SCN11A: variants seen among roughly 807,000 people sequenced by gnomAD.
SCN11A encodes sodium voltage-gated channel alpha subunit 11.
SCN11A carries 122 observed loss-of-function variants against 162.2 expected under a neutral mutation model. That is an observed-to-expected ratio of 0.75 (90% CI 0.65 to 0.87). SCN11A has a LOEUF of 0.87. Among genes scored for constraint, SCN11A ranks in the 40% least tolerant of loss-of-function variants. The probability of loss-of-function intolerance (pLI) is 0.00; values close to 1 mark genes in which losing one functional copy is unlikely to be tolerated. For synonymous variants in SCN11A, 758 were observed against 751.5 expected, an observed-to-expected ratio of 1.01 and a Z score of -0.14; for missense variants, 2,015 against 2,181.6, an observed-to-expected ratio of 0.92 and a Z score of 1.52.
intron 2 of SCN11A, among the ~76,000 whole-genome samples, chr3:39,016,035 T>C (rs529727022): frequency 5.3e-4 from 81 of 152,230 alleles, no homozygotes; most frequent in Non-Finnish European, 1.1e-3. Flanking sequence ...CTAGATGTGA[T>C]ATATTTTTAA....
chr3:38,983,014 T>C (rs992057388), intron 2 of SCN11A, among the ~76,000 whole-genome samples: 1 of 152,202 alleles, frequency 6.6e-6, no homozygotes, highest in Non-Finnish European at 1.5e-5. Flanking sequence ...TGGCTTCTCT[T>C]GAAAACTCAG....
At chr3:39,005,375 T>C (rs1032917827) in intron 2 of SCN11A, among the ~76,000 whole-genome samples, 7 of 152,224 alleles carry the variant, frequency 4.6e-5, no homozygotes, top group Non-Finnish European at 7.3e-5. Flanking sequence ...CATTCTGTAC[T>C]AGGATCTCCC....
chr3:39,023,699 G>A (rs988778107), intron 2 of SCN11A, among the ~76,000 whole-genome samples: 5 of 151,184 alleles, frequency 3.3e-5, no homozygotes, highest in African/African-American at 9.7e-5. Flanking sequence ...CTGGAGTGCA[G>A]TGGCATGATC....
chr3:38,956,976 T>C (rs1321864932), intron 3 of SCN11A, among the ~76,000 whole-genome samples: 1 of 152,094 alleles, frequency 6.6e-6, no homozygotes, highest in Non-Finnish European at 1.5e-5. Context: ...ACTGGAAGAA[T>C]CATGGGGAGC....
intron 28 of SCN11A, among the ~76,000 whole-genome samples, chr3:38,859,937 C>T (rs559227858): frequency 2.5e-4 from 38 of 152,278 alleles, no homozygotes; most frequent in African/African-American, 8.9e-4. Flanking sequence ...CCTCAAATTG[C>T]TCCTGGGGAT....
At chr3:38,977,889 C>T (rs1451107893) in intron 2 of SCN11A, among the ~76,000 whole-genome samples, 2 of 152,364 alleles carry the variant, frequency 1.3e-5, no homozygotes, top group African/African-American at 4.8e-5. Flanking sequence ...ATTAAATCTG[C>T]ATCATCTCTC....
Position 39,051,931 on chromosome 3 carries a change from G to C in SCN11A, c.-474C>G, listed in dbSNP as rs1379175421. 37 of 1,502,062 alleles carry C rather than the reference G, an allele frequency of 2.5e-5. 1 individual carries two copies. The highest frequency in any genetic ancestry group is 3.3e-5 in the Non-Finnish European group (36 of 1,084,304). 93.0% of individuals were successfully genotyped at this position (1,502,062 alleles called of 1,614,324 possible). A position where few individuals can be genotyped will look rare whatever the true frequency, so the allele number is the denominator to read the frequency against. On this transcript the variant is annotated 5_prime_UTR_variant, in exon 1 of 30. Transcript: ENST00000302328. The stretch of plus-strand genomic sequence containing the variant: ...AAACACAACAGCCTGTTTACCTTCA[G>C]CCCCGCCACTAACCCTTGGCCAAAG...
At chr3:38,968,028 G>A (rs1309290762) in intron 2 of SCN11A, among the ~76,000 whole-genome samples, 1 of 152,216 alleles carries the variant, frequency 6.6e-6, no homozygotes, top group East Asian at 1.9e-4. Flanking sequence ...TGCTGGCAGA[G>A]AACAGGGGTG....
At chr3:38,922,698 G>GAGA (rs1559534031) in intron 9 of SCN11A, among the ~76,000 whole-genome samples, 2 of 151,544 alleles carry the variant, frequency 1.3e-5, no homozygotes, top group Non-Finnish European at 2.9e-5. Flanking sequence ...GGAGGAGGAG[G>GAGA]AGAAGAAGAG....
chr3:38,926,361 T>C (rs575094155), intron 8 of SCN11A, among the ~76,000 whole-genome samples: 1 of 152,346 alleles, frequency 6.6e-6, no homozygotes, highest in Non-Finnish European at 1.5e-5. Context: ...TTGTTCTTCC[T>C]ATATTCTCTG....
intron 2 of SCN11A, among the ~76,000 whole-genome samples, chr3:38,988,320 T>A (rs2030333179): frequency 6.6e-6 from 1 of 152,088 alleles, no homozygotes; most frequent in Non-Finnish European, 1.5e-5. Flanking sequence ...TCCTTATTTA[T>A]CACCTATCTC....
Position 39,051,933 on chromosome 3 carries a change from C to A in SCN11A, c.-476G>T. The A allele has an allele frequency of 6.6e-7, 1 of 1,519,904 alleles. No homozygotes were observed. Among genetic ancestry groups the A allele is most frequent in the Non-Finnish European group, 9.1e-7 (1 of 1,099,278 alleles). The allele number at this position is 1,519,904 out of a possible 1,614,324, so 94.2% of individuals were successfully genotyped here. On this transcript the variant is annotated 5_prime_UTR_variant, in exon 1 of 30. Coordinates refer to ENST00000302328, the MANE Select transcript of SCN11A (RefSeq NM_001349253.2). ...ACACAACAGCCTGTTTACCTTCAGC[C>A]CCGCCACTAACCCTTGGCCAAAGGG...
At chr3:38,934,585 C>A (rs2066298757) in intron 7 of SCN11A, among the ~76,000 whole-genome samples, 1 of 152,012 alleles carries the variant, frequency 6.6e-6, no homozygotes, top group South Asian at 2.1e-4. Flanking sequence ...ATCCTAGTCT[C>A]TGATAAAACA....
intron 19 of SCN11A, among the ~76,000 whole-genome samples, chr3:38,886,748 T>C (rs1033059293): frequency 1.3e-5 from 2 of 152,094 alleles, no homozygotes; most frequent in African/African-American, 4.8e-5. Context: ...AGAGTTTCCT[T>C]AGCAAAACAG....
intron 7 of SCN11A, among the ~76,000 whole-genome samples, chr3:38,944,971 A>T (rs28689923): frequency 1.2e-5 from 1 of 83,126 alleles, no homozygotes; most frequent in Non-Finnish European, 2.4e-5. Flanking sequence ...CTCAAAAAAT[A>T]AAAAAAAATA....
At chr3:38,945,266 A>G in intron 7 of SCN11A, 145 bp downstream of exon 7, 2 of 569,448 alleles carry the variant, frequency 3.5e-6, no homozygotes, top group Non-Finnish European at 6.3e-6. Flanking sequence ...TTGTAAAAAA[A>G]TAAAGGTCAA....
chr3:39,028,323 A>G (rs1485487619), intron 2 of SCN11A, among the ~76,000 whole-genome samples: 2 of 152,206 alleles, frequency 1.3e-5, no homozygotes, highest in African/African-American at 4.8e-5. Flanking sequence ...ATTTTTTCCA[A>G]AGAAATAGTT....
At chr3:39,039,174 G>T (rs927853298) in intron 1 of SCN11A, among the ~76,000 whole-genome samples, 4 of 152,108 alleles carry the variant, frequency 2.6e-5, no homozygotes, top group African/African-American at 9.7e-5. Context: ...CCAAATCAAA[G>T]AAATCATTGT....
At chr3:38,951,480 C>A (rs189997213) in intron 4 of SCN11A, among the ~76,000 whole-genome samples, 1 of 152,252 alleles carries the variant, frequency 6.6e-6, no homozygotes, top group Admixed American at 6.5e-5. Flanking sequence ...CGACAAGCAC[C>A]GCCCTCTGCT....
Sources: allele counts gnomAD v4.1 joint callset (sites outside exome capture counted in the v4.1 genomes callset), GRCh38; gene constraint gnomAD v4.1.1; transcripts MANE v1.5; gene names NCBI Gene and HGNC (gene_info 2026-07-23, HGNC 2026-07-21).